KCND2: variants seen among roughly 807,000 people sequenced by gnomAD.
KCND2 encodes A-type voltage-gated potassium channel KCND2.
A neutral mutation model predicts 54.4 loss-of-function variants in KCND2; 16 were observed. That is an observed-to-expected ratio of 0.29 (90% CI 0.20 to 0.45). The LOEUF (loss-of-function observed/expected upper bound fraction) is 0.45, where lower values mean the gene tolerates loss of function less well. KCND2 is among the 20% of genes least tolerant of loss of function. The probability of loss-of-function intolerance (pLI) is 1.00; values close to 1 mark genes in which losing one functional copy is unlikely to be tolerated. For synonymous variants in KCND2, 317 were observed against 310.7 expected (o/e 1.02, Z -0.21); for missense variants, 486 against 824.2 (o/e 0.59, Z 5.02).
intron 1 of KCND2, among the ~76,000 whole-genome samples, chr7:120,506,554 C>T (rs929731029): frequency 6.6e-6 from 1 of 151,852 alleles, no homozygotes; most frequent in African/African-American, 2.4e-5. Context: ...AGACCCTATT[C>T]ATTAGACCAA....
At chr7:120,629,348 T>C (rs1484613981) in intron 1 of KCND2, among the ~76,000 whole-genome samples, 3 of 152,162 alleles carry the variant, frequency 2.0e-5, no homozygotes, top group African/African-American at 7.2e-5. Flanking sequence ...TAGCCGGGCG[T>C]GGTGGCTGAC....
At chr7:120,412,929 T>A (rs1040915160) in intron 1 of KCND2, among the ~76,000 whole-genome samples, 1 of 152,074 alleles carries the variant, frequency 6.6e-6, no homozygotes, top group African/African-American at 2.4e-5. Flanking sequence ...TACTGGCAGA[T>A]CACTTTACTC....
intron 1 of KCND2, among the ~76,000 whole-genome samples, chr7:120,524,304 A>T (rs1791744138): frequency 1.3e-5 from 2 of 152,130 alleles, no homozygotes; most frequent in African/African-American, 4.8e-5. Context: ...TAAGGTAAGG[A>T]GCTAAAGATA....
intron 1 of KCND2, among the ~76,000 whole-genome samples, chr7:120,622,485 TTA>T (rs370315618): frequency 1.3e-5 from 2 of 151,072 alleles, no homozygotes; most frequent in South Asian, 2.1e-4. Context: ...TGCGAAATTG[TTA>T]TATATATATA....
At chr7:120,608,670 C>T (rs930138269) in intron 1 of KCND2, among the ~76,000 whole-genome samples, 2 of 152,058 alleles carry the variant, frequency 1.3e-5, no homozygotes, top group Non-Finnish European at 2.9e-5. Context: ...TATGCCCAAC[C>T]CTACGAAGTG....
intron 1 of KCND2, among the ~76,000 whole-genome samples, chr7:120,285,051 C>T (rs1262009496): frequency 6.6e-6 from 1 of 152,042 alleles, no homozygotes; most frequent in Non-Finnish European, 1.5e-5. Context: ...TATTGTTCCA[C>T]TGGTATTACT....
intron 1 of KCND2, among the ~76,000 whole-genome samples, chr7:120,599,886 C>A (rs1326185129): frequency 2.6e-5 from 4 of 151,892 alleles, no homozygotes; most frequent in Non-Finnish European, 4.4e-5. Context: ...ACAGGAGGAA[C>A]ATGTTTTTCT....
At chr7:120,653,028 GGT>G (rs140936435) in intron 1 of KCND2, among the ~76,000 whole-genome samples, 5 of 150,706 alleles carry the variant, frequency 3.3e-5, no homozygotes, top group Admixed American at 6.6e-5. Flanking sequence ...ACTAAACAGT[GGT>G]GTGTGTGTGT....
intron 1 of KCND2, among the ~76,000 whole-genome samples, chr7:120,689,389 A>T (rs1246511979): frequency 2.0e-5 from 3 of 152,196 alleles, no homozygotes; most frequent in Admixed American, 2.0e-4. Context: ...ATTGAAATAG[A>T]TATTTAATTT....
chr7:120,688,428 G>A (rs1328573769), intron 1 of KCND2, among the ~76,000 whole-genome samples: 1 of 152,112 alleles, frequency 6.6e-6, no homozygotes, highest in Non-Finnish European at 1.5e-5. Context: ...ATTTAAAAAT[G>A]TAAGAATCCT....
At chr7:120,421,690 A>G (rs1307569628) in intron 1 of KCND2, among the ~76,000 whole-genome samples, 1 of 152,246 alleles carries the variant, frequency 6.6e-6, no homozygotes, top group Non-Finnish European at 1.5e-5. Flanking sequence ...ACTTACTCCC[A>G]GAGTTTGATT....
At chr7:120,281,317 C>T (rs1799258365) in intron 1 of KCND2, among the ~76,000 whole-genome samples, 1 of 151,846 alleles carries the variant, frequency 6.6e-6, no homozygotes, top group African/African-American at 2.4e-5. Context: ...CAGGGATACA[C>T]ACACACGTAT....
intron 1 of KCND2, among the ~76,000 whole-genome samples, chr7:120,494,053 G>A (rs1188270269): frequency 1.3e-5 from 2 of 152,052 alleles, no homozygotes; most frequent in Non-Finnish European, 2.9e-5. Flanking sequence ...ATATTTTTAG[G>A]AAGTTTAAAG....
At chr7:120,610,106 C>T (rs2062563010) in intron 1 of KCND2, among the ~76,000 whole-genome samples, 1 of 151,914 alleles carries the variant, frequency 6.6e-6, no homozygotes. Flanking sequence ...TTAACAAAAC[C>T]CCAAATACTC....
intron 1 of KCND2, among the ~76,000 whole-genome samples, chr7:120,334,765 G>A (rs1201690538): frequency 1.3e-5 from 2 of 152,144 alleles, no homozygotes; most frequent in African/African-American, 4.8e-5. Context: ...CAGTTTATTT[G>A]CATCACCCCC....
chr7:120,492,353 G>C (rs1399634356), intron 1 of KCND2, among the ~76,000 whole-genome samples: 1 of 151,894 alleles, frequency 6.6e-6, no homozygotes, highest in African/African-American at 2.4e-5. Flanking sequence ...CTGAACCATT[G>C]TCTTCCATAT....
At chr7:120,300,804 C>G (rs922888015) in intron 1 of KCND2, among the ~76,000 whole-genome samples, 5 of 152,076 alleles carry the variant, frequency 3.3e-5, no homozygotes, top group Non-Finnish European at 7.4e-5. Flanking sequence ...GGCACAGTGT[C>G]TGTGGCCCGT....
chr7:120,445,642 A>AT (rs1802009249), intron 1 of KCND2, among the ~76,000 whole-genome samples: 1 of 152,168 alleles, frequency 6.6e-6, no homozygotes, highest in Admixed American at 6.6e-5. Flanking sequence ...CATTATGTAT[A>AT]TTATCTTATT....
chr7:120,545,321 T>C (rs180892902), intron 1 of KCND2, among the ~76,000 whole-genome samples: 2 of 151,998 alleles, frequency 1.3e-5, no homozygotes, highest in African/African-American at 2.4e-5. Flanking sequence ...TCTAATATCA[T>C]TGATGCTAAG....
Sources: allele counts gnomAD v4.1 joint callset (sites outside exome capture counted in the v4.1 genomes callset), GRCh38; gene constraint gnomAD v4.1.1; transcripts MANE v1.5; gene names NCBI Gene and HGNC (gene_info 2026-07-23, HGNC 2026-07-21).